Variants in RNF180 observed in about 807,000 individuals in gnomAD.
RNF180 encodes the protein E3 ubiquitin-protein ligase RNF180.
In RNF180, 38 loss-of-function variants were observed where a neutral mutation model predicts 59.2. The observed-to-expected ratio is 0.64, with a 90% CI of 0.50 to 0.84. The LOEUF is 0.84. RNF180 is among the 40% of genes least tolerant of loss of function. The pLI is 0.00. For missense variants in RNF180, 705 were observed against 700.9 expected, an observed-to-expected ratio of 1.01 and a Z score of -0.07; for synonymous variants, 262 against 240.3, an observed-to-expected ratio of 1.09 and a Z score of -0.84.
intron 7 of RNF180, among the ~76,000 whole-genome samples, chr5:64,350,762 G>C (rs575378670): frequency 1.3e-5 from 2 of 151,998 alleles, no homozygotes; most frequent in Non-Finnish European, 2.9e-5. Context: ...TGTTCCATTG[G>C]TCTATATCTC....
At chr5:64,168,474 G>A (rs1174613394) in intron 1 of RNF180, among the ~76,000 whole-genome samples, 1 of 152,178 alleles carries the variant, frequency 6.6e-6, no homozygotes, top group African/African-American at 2.4e-5. Flanking sequence ...GTGCACATTT[G>A]CATGTAATCT....
At chr5:64,235,594 A>C (rs146907152) in intron 5 of RNF180, among the ~76,000 whole-genome samples, 1 of 151,764 alleles carries the variant, frequency 6.6e-6, no homozygotes, top group African/African-American at 2.4e-5. Flanking sequence ...GTTTTCTAGG[A>C]TAGACAACAC....
chr5:64,294,160 T>C (rs994002672), intron 5 of RNF180, among the ~76,000 whole-genome samples: 1 of 152,170 alleles, frequency 6.6e-6, no homozygotes, highest in Admixed American at 6.5e-5. Context: ...CAATAATAAC[T>C]GAATGGTACA....
chr5:64,196,366 G>T (rs191138671), intron 1 of RNF180, among the ~76,000 whole-genome samples: 1 of 152,154 alleles, frequency 6.6e-6, no homozygotes, highest in Non-Finnish European at 1.5e-5. Flanking sequence ...AATTGCTAAT[G>T]TTTTCGATAA....
chr5:64,191,923 A>G (rs1579965786), intron 1 of RNF180, among the ~76,000 whole-genome samples: 1 of 152,276 alleles, frequency 6.6e-6, no homozygotes, highest in Non-Finnish European at 1.5e-5. Context: ...ACAGGTTCAG[A>G]TATTACTGTT....
At chr5:64,183,757 A>T (rs1165193990) in intron 1 of RNF180, among the ~76,000 whole-genome samples, 4 of 152,204 alleles carry the variant, frequency 2.6e-5, no homozygotes, top group Non-Finnish European at 5.9e-5. Flanking sequence ...CAAAAAGTAT[A>T]CATTTTTTGA....
At chr5:64,307,311 C>G (rs766386249) in intron 5 of RNF180, among the ~76,000 whole-genome samples, 4 of 151,376 alleles carry the variant, frequency 2.6e-5, no homozygotes, top group Non-Finnish European at 4.4e-5. Context: ...CTATTTCTGA[C>G]ACTTAAGACT....
intron 5 of RNF180, among the ~76,000 whole-genome samples, chr5:64,232,865 C>T (rs547099539): frequency 6.6e-6 from 1 of 152,280 alleles, no homozygotes; most frequent in East Asian, 1.9e-4. Flanking sequence ...TGCCATTTTA[C>T]AGATGGAAGT....
chr5:64,304,884 G>A (rs1212291140), intron 5 of RNF180, among the ~76,000 whole-genome samples: 2 of 151,576 alleles, frequency 1.3e-5, no homozygotes, highest in Non-Finnish European at 3.0e-5. Flanking sequence ...GTCTAACAAT[G>A]CAGAAAACTT....
chr5:64,181,659 T>C (rs904099553), intron 1 of RNF180, among the ~76,000 whole-genome samples: 1 of 152,180 alleles, frequency 6.6e-6, no homozygotes. Context: ...GTAGTTTCCC[T>C]CAGCTTGTCT....
intron 5 of RNF180, among the ~76,000 whole-genome samples, chr5:64,279,081 AC>A (rs1741870792): frequency 6.6e-6 from 1 of 152,162 alleles, no homozygotes; most frequent in Admixed American, 6.5e-5. Context: ...AATGAAAAGA[AC>A]CAAGGCTGGG....
chr5:64,302,403 C>G (rs1743205524), intron 5 of RNF180, among the ~76,000 whole-genome samples: 1 of 151,492 alleles, frequency 6.6e-6, no homozygotes, highest in Non-Finnish European at 1.5e-5. Flanking sequence ...GGTTTTTAAA[C>G]TCTGAATTTT....
intron 7 of RNF180, among the ~76,000 whole-genome samples, chr5:64,353,785 C>CATAG (rs1745911242): frequency 6.6e-6 from 1 of 151,624 alleles, no homozygotes; most frequent in Non-Finnish European, 1.5e-5. Flanking sequence ...TCGCTGACCG[C>CATAG]ATAGAATGAA....
intron 7 of RNF180, among the ~76,000 whole-genome samples, chr5:64,349,709 T>C (rs995446307): frequency 3.9e-5 from 6 of 152,112 alleles, no homozygotes; most frequent in African/African-American, 1.4e-4. Context: ...GTCCTTGTGA[T>C]AGTTTGCTGG....
chr5:64,341,295 A>T (rs1383142077), intron 7 of RNF180, among the ~76,000 whole-genome samples: 1 of 152,190 alleles, frequency 6.6e-6, no homozygotes, highest in Non-Finnish European at 1.5e-5. Context: ...CTAAGGAATA[A>T]ATGACACCAA....
intron 5 of RNF180, among the ~76,000 whole-genome samples, chr5:64,267,294 A>C (rs1461689368): frequency 6.6e-6 from 1 of 152,150 alleles, no homozygotes. Context: ...CTACAGGCTT[A>C]AGAAAGTAAT....
chr5:64,271,036 C>T (rs1461465860), intron 5 of RNF180, among the ~76,000 whole-genome samples: 1 of 151,968 alleles, frequency 6.6e-6, no homozygotes, highest in Non-Finnish European at 1.5e-5. Flanking sequence ...GAATAAAATA[C>T]TTGATTTGAA....
chr5:64,325,557 CAT>C (rs1264209679), intron 6 of RNF180, 146 bp downstream of exon 6: 16 of 643,536 alleles, frequency 2.5e-5, no homozygotes, highest in Non-Finnish European at 4.1e-5. Context: ...TTACCCAACT[CAT>C]AAAACTGTTA....
rs568147181 is a variant in RNF180, at chr5:64,266,645, A to T, written c.1227+49249A>T. On this transcript the variant is annotated intron_variant, in intron 5 of 7. Transcript: ENST00000389100. Reference sequence around the variant, plus strand: ...AAAAGACATAAGGTGGCTTTATGCTACAAGTTTAACTGCTCTAAGCAGATT... The same window carrying T: ...AAAAGACATAAGGTGGCTTTATGCTTCAAGTTTAACTGCTCTAAGCAGATT... 7.2e-5 allele frequency among the ~76,000 whole-genome samples: 11 copies of T among 152,290 alleles called. No individual in the cohort carries two copies. The South Asian group carries it at 2.3e-3, about 32-fold the overall frequency.
Sources: allele counts gnomAD v4.1 joint callset (sites outside exome capture counted in the v4.1 genomes callset), GRCh38; gene constraint gnomAD v4.1.1; transcripts MANE v1.5; gene names NCBI Gene and HGNC (gene_info 2026-07-23, HGNC 2026-07-21).